TRIM13: variants seen among roughly 807,000 people sequenced by gnomAD.
The protein encoded by TRIM13 is tripartite motif containing 13, also known as E3 ubiquitin-protein ligase TRIM13.
TRIM13 carries 15 observed loss-of-function variants against 27.1 expected under a neutral mutation model. The observed-to-expected ratio is 0.55, with a 90% CI of 0.37 to 0.85. The LOEUF (loss-of-function observed/expected upper bound fraction) is 0.85. Ranked by LOEUF, TRIM13 falls within the 40% of genes least tolerant of loss-of-function variation. The probability of loss-of-function intolerance (pLI) is 0.00; values close to 1 mark genes in which losing one functional copy is unlikely to be tolerated. For missense variants in TRIM13, 402 were observed against 472.2 expected (o/e 0.85, Z 1.38); for synonymous variants, 193 against 171.5 (o/e 1.13, Z -0.98).
At chr13:49,999,803 A>C (rs1005850904) in intron 1 of TRIM13, among the ~76,000 whole-genome samples, 3 of 152,218 alleles carry the variant, frequency 2.0e-5, no homozygotes, top group African/African-American at 7.2e-5. Flanking sequence ...GCAAAATTTT[A>C]GAAGGGATTT....
At chr13:50,010,360 T>A (rs1875476494) in intron 1 of TRIM13, among the ~76,000 whole-genome samples, 1 of 152,222 alleles carries the variant, frequency 6.6e-6, no homozygotes, top group Non-Finnish European at 1.5e-5. Flanking sequence ...AGCCTGAATC[T>A]TCTTGTGATA....
chr13:50,012,724 A>C lies in TRIM13; in HGVS notation c.784A>C (p.Ile262Leu). ...GGAGTTTAGAGAGAAAATCAAAGTA[A>C]TCAAGGAAACTCCTTTACCTCCCTC... is the stretch of plus-strand genomic sequence containing the variant. ...MQEFREKIKV[I>L]KETPLPPSNL... The change falls in exon 2 of 2, where the codon ATC becomes CTC. Residue 262 changes from isoleucine (I) to leucine (L), a missense_variant. By Grantham distance (5) the Ile-to-Leu change is conservative (BLOSUM62 2). This residue lies in a region of TRIM13 where 200 missense variants were observed against 194.7 expected (regional missense o/e 1.03). Transcript: ENST00000378182. 1.2e-6 allele frequency: 2 copies of C among 1,614,086 alleles called. No individual in the cohort carries two copies. Among genetic ancestry groups the C allele is most frequent in the Non-Finnish European group, 1.7e-6 (2 of 1,180,008 alleles).
chr13:50,002,252 G>A (rs59019111), intron 1 of TRIM13, among the ~76,000 whole-genome samples: 4,214 of 152,160 alleles, frequency 0.028, 107 homozygotes, highest in African/African-American at 0.065. Flanking sequence ...AGCCTGACGT[G>A]GTGGCAGGCA....
At position 50,015,639 on chromosome 13, in the gene TRIM13, T is replaced by C; in HGVS notation, c.*2475T>C. On this transcript the variant is annotated 3_prime_UTR_variant, in exon 2 of 2. Coordinates refer to ENST00000378182, the MANE Select transcript of TRIM13 (RefSeq NM_213590.3). ...GAATTCAAGATGGTTGGTGGCCAGA[T>C]TTTTGTAGACAGAGATGGTGATTTG... 1 of 1,614,170 alleles carries C rather than the reference T, an allele frequency of 6.2e-7. No individual in the cohort carries two copies. Among genetic ancestry groups the C allele is most frequent in the Non-Finnish European group, 8.5e-7 (1 of 1,179,996 alleles).
Position 50,015,090 on chromosome 13 carries a change from AAAAAATATATAT to A in TRIM13, c.*1928_*1939del, listed in dbSNP as rs1876267441. The stretch of plus-strand genomic sequence containing the variant: ...CTCCCAGTAATAAAAAAAAAAAAAA[AAAAAATATATAT>A]ATATATATATATATATATATATATA... On this transcript the variant is annotated 3_prime_UTR_variant, in exon 2 of 2. Coordinates refer to ENST00000378182, the MANE Select transcript of TRIM13 (RefSeq NM_213590.3). 5.9e-4 allele frequency: 23 copies of A among 39,082 alleles called. 2 individuals carry two copies. Among genetic ancestry groups the A allele is most frequent in the African/African-American group, 1.6e-3 (15 of 9,480 alleles). The allele number at this position is 39,082 out of a possible 1,614,324, so 2.4% of individuals were successfully genotyped here.
chr13:50,015,134 T>A lies in TRIM13; in HGVS notation c.*1970T>A, dbSNP rs1167457281. 3.1e-5 allele frequency: 3 copies of A among 95,940 alleles called. No individual in the cohort carries two copies. The highest frequency in any genetic ancestry group is 1.4e-4 in the African/African-American group (3 of 22,094). 5.9% of individuals were successfully genotyped at this position (95,940 alleles called of 1,614,324 possible). A position where few individuals can be genotyped will look rare whatever the true frequency, so the allele number is the denominator to read the frequency against. On this transcript the variant is annotated 3_prime_UTR_variant, in exon 2 of 2. Coordinates refer to ENST00000378182, the MANE Select transcript of TRIM13 (RefSeq NM_213590.3). ...ATATATATATATATATATATATATA[T>A]ATATATATATATATATAGTTTTACT...
At chr13:50,005,684 A>AG (rs1566435312) in intron 1 of TRIM13, among the ~76,000 whole-genome samples, 1 of 151,882 alleles carries the variant, frequency 6.6e-6, no homozygotes, top group Non-Finnish European at 1.5e-5. Context: ...CTAAAAAAAA[A>AG]AGAGAGAAGG....
intron 1 of TRIM13, among the ~76,000 whole-genome samples, chr13:50,001,438 T>C (rs1447985393): frequency 2.0e-5 from 3 of 152,202 alleles, no homozygotes; most frequent in Non-Finnish European, 2.9e-5. Context: ...AATTTCACCT[T>C]AGTCTGACAA....
rs1049962279 is a variant in TRIM13 at position 50,014,257 on chromosome 13, G to A, written c.*1093G>A. 6.9e-6 allele frequency: 1 copy of A among 144,804 alleles called. No homozygotes were observed. Among genetic ancestry groups the A allele is most frequent in the African/African-American group, 2.8e-5 (1 of 35,620 alleles). 9.0% of individuals were successfully genotyped at this position (144,804 alleles called of 1,614,324 possible). A position where few individuals can be genotyped will look rare whatever the true frequency, so the allele number is the denominator to read the frequency against. The stretch of plus-strand genomic sequence containing the variant: ...CAGTGATGTGGGAGGATTATTTGAG[G>A]CTAGGAGTTCCAGTTCGAAACCAGC... On this transcript the variant is annotated 3_prime_UTR_variant, in exon 2 of 2. Transcript: ENST00000378182.
rs928436186 is a variant in TRIM13, at chr13:50,014,362, C to G, written c.*1198C>G. The G allele has an allele frequency of 4.3e-5, 3 of 70,150 alleles. No homozygotes were observed. The highest frequency in any genetic ancestry group is 8.4e-5 in the Non-Finnish European group (3 of 35,570). 4.3% of individuals were successfully genotyped at this position (70,150 alleles called of 1,614,324 possible). ...AAAAAAAAATATATATATATATATA[C>G]ACACACACACACACATATGTACACA... is the stretch of plus-strand genomic sequence containing the variant. On this transcript the variant is annotated 3_prime_UTR_variant, in exon 2 of 2. Transcript: ENST00000378182.
At chr13:50,010,348 C>T (rs756072272) in intron 1 of TRIM13, among the ~76,000 whole-genome samples, 2 of 152,146 alleles carry the variant, frequency 1.3e-5, no homozygotes, top group Non-Finnish European at 2.9e-5. Context: ...GCCACTGCTC[C>T]CAGCCTGAAT....
chr13:50,009,462 C>T (rs571593006), intron 1 of TRIM13, among the ~76,000 whole-genome samples: 1 of 151,848 alleles, frequency 6.6e-6, no homozygotes, highest in East Asian at 1.9e-4. Context: ...CACGGCCAGG[C>T]GCGGTGGCTC....
intron 1 of TRIM13, among the ~76,000 whole-genome samples, chr13:50,005,626 G>A (rs1208341617): frequency 3.3e-5 from 5 of 150,596 alleles, no homozygotes; most frequent in Non-Finnish European, 7.4e-5. Flanking sequence ...AGTGAGTTGT[G>A]ATTACACCAC....
chr13:50,001,674 T>C (rs1874060799), intron 1 of TRIM13, among the ~76,000 whole-genome samples: 2 of 152,348 alleles, frequency 1.3e-5, no homozygotes, highest in South Asian at 4.1e-4. Context: ...TTAGATACTA[T>C]ATGTAATATA....
chr13:50,010,111 CTA>C, intron 1 of TRIM13, among the ~76,000 whole-genome samples: 1 of 139,216 alleles, frequency 7.2e-6, no homozygotes, highest in East Asian at 2.3e-4. Context: ...TGCAGTGGTG[CTA>C]TCTCGGCTCA....
chr13:50,005,919 G>A lies in TRIM13; in HGVS notation c.-6-6016G>A, dbSNP rs539303280. On this transcript the variant is annotated intron_variant, in intron 1 of 1. Coordinates refer to ENST00000378182, the MANE Select transcript of TRIM13 (RefSeq NM_213590.3). ...TTTAGTAGAGACGGGGTTTCTCCAT[G>A]TGGGCCAGGCTGGTCTCGAACTCCC... 7.2e-5 allele frequency among the ~76,000 whole-genome samples: 11 copies of A among 151,776 alleles called. No individual in the cohort carries two copies. In the East Asian group the frequency reaches 2.2e-3, roughly 30 times the overall value.
At chr13:50,011,723 A>G (rs1000276397) in intron 1 of TRIM13, among the ~76,000 whole-genome samples, 2 of 152,214 alleles carry the variant, frequency 1.3e-5, no homozygotes, top group Non-Finnish European at 2.9e-5. Flanking sequence ...GGCCTTGTGT[A>G]TAGGATGCCC....
At chr13:50,011,682 C>T (rs993957991) in intron 1 of TRIM13, among the ~76,000 whole-genome samples, 1 of 152,146 alleles carries the variant, frequency 6.6e-6, no homozygotes, top group Non-Finnish European at 1.5e-5. Flanking sequence ...CTTGTCTTAG[C>T]CAAAGACTGT....
intron 1 of TRIM13, among the ~76,000 whole-genome samples, chr13:50,006,906 C>T (rs949169190): frequency 6.6e-6 from 1 of 152,114 alleles, no homozygotes; most frequent in African/African-American, 2.4e-5. Flanking sequence ...ACTGGCTGGG[C>T]GTGGTGGCTC....
Sources: gnomAD v4.1 joint callset for allele counts (sites outside exome capture counted in the v4.1 genomes callset) on GRCh38, gnomAD v4.1.1 for gene constraint, gnomAD v4.1.1 regional missense constraint, MANE v1.5 for transcripts, NCBI Gene and HGNC (gene_info 2026-07-23, HGNC 2026-07-21) for gene names.